Variants in DCDC2C observed in about 807,000 individuals in gnomAD.
The protein encoded by DCDC2C is doublecortin domain-containing protein 2C.
A neutral mutation model predicts 45.0 loss-of-function variants in DCDC2C; 44 were observed. That is an observed-to-expected ratio of 0.98 (90% CI 0.77 to 1.26). DCDC2C has a LOEUF of 1.26. Ranked by LOEUF, DCDC2C falls within the 50% of genes most tolerant of loss-of-function variation. The probability of loss-of-function intolerance (pLI) is 0.00; values close to 1 mark genes in which losing one functional copy is unlikely to be tolerated. For synonymous variants in DCDC2C, 187 were observed against 178.8 expected (o/e 1.05, Z -0.37); for missense variants, 447 against 468.9 (o/e 0.95, Z 0.43).
chr2:3,719,536 T>C (rs1326534213), intron 2 of DCDC2C, among the ~76,000 whole-genome samples: 2 of 152,118 alleles, frequency 1.3e-5, no homozygotes, highest in East Asian at 1.9e-4. Context: ...ACCGTGAAGA[T>C]TAGAGTTGAC....
intron 2 of DCDC2C, among the ~76,000 whole-genome samples, chr2:3,725,464 GCCCGGTGGATCCCA>G (rs769136837): frequency 1.5e-3 from 159 of 103,900 alleles, no homozygotes; most frequent in Middle Eastern, 5.0e-3. Context: ...GGAGGAGGCT[GCCCGGTGGATCCCA>G]GAGGAAGACG....
Position 3,785,117 on chromosome 2 carries a change from A to G in DCDC2C, c.1065+17A>G. The stretch of plus-strand genomic sequence containing the variant: ...GAAAGAAAGGTTTGTATCAACAACA[A>G]ATGCTGTAGTTTTGCGTTTTCTATT... On this transcript the variant is annotated intron_variant, in intron 10 of 10. Transcript: ENST00000399143. 1 of 1,231,688 alleles carries G rather than the reference A, an allele frequency of 8.1e-7. No homozygotes were observed. Among genetic ancestry groups the G allele is most frequent in the Non-Finnish European group, 1.0e-6 (1 of 987,896 alleles). 76.3% of individuals were successfully genotyped at this position (1,231,688 alleles called of 1,614,324 possible).
At chr2:3,762,388 T>G (rs1325128665) in intron 6 of DCDC2C, among the ~76,000 whole-genome samples, 1 of 152,152 alleles carries the variant, frequency 6.6e-6, no homozygotes, top group Non-Finnish European at 1.5e-5. Flanking sequence ...TGTGTATTCA[T>G]TCATTCTTAC....
intron 10 of DCDC2C, among the ~76,000 whole-genome samples, chr2:3,788,084 AT>A (rs1670700891): frequency 6.6e-6 from 1 of 152,236 alleles, no homozygotes; most frequent in Admixed American, 6.5e-5. Context: ...TGCTCTGAAT[AT>A]TTGATCACAA....
At chr2:3,725,211 C>T (rs774545230) in intron 2 of DCDC2C, among the ~76,000 whole-genome samples, 4 of 152,076 alleles carry the variant, frequency 2.6e-5, no homozygotes, top group Admixed American at 1.3e-4. Flanking sequence ...GGGCGATGAT[C>T]GATTCTGATG....
At chr2:3,726,813 GCATCTTCTCC>G in intron 2 of DCDC2C, among the ~76,000 whole-genome samples, 180 bp from the exon 3 acceptor site, 1 of 152,008 alleles carries the variant, frequency 6.6e-6, no homozygotes, top group South Asian at 2.1e-4. Flanking sequence ...GCACTTGCTG[GCATCTTCTCC>G]TCCCCCAGCA....
At chr2:3,709,320 G>A (rs114971651) in intron 2 of DCDC2C, among the ~76,000 whole-genome samples, 15 of 152,212 alleles carry the variant, frequency 9.9e-5, no homozygotes, top group Non-Finnish European at 5.9e-5. Context: ...GAAGCTCGTT[G>A]TAAGGACTAA....
At position 3,727,062 on chromosome 2, in the gene DCDC2C, T is replaced by G; in HGVS notation, c.399T>G (p.Arg133=). 1 of 1,550,136 alleles carries G rather than the reference T, an allele frequency of 6.5e-7. No individual in the cohort carries two copies. The highest frequency in any genetic ancestry group is 8.7e-7 in the Non-Finnish European group (1 of 1,146,636). The change falls in exon 3 of 11, where the codon CGT becomes CGG. Residue 133 remains arginine (R), a synonymous_variant. Transcript: ENST00000399143. ...NVPSKWQTYH[R]ISRHINVFTN... ...CTTCCAAGTGGCAAACATATCATCG[T>G]ATATCTCGACATATAAAGTGAGTAT...
intron 4 of DCDC2C, among the ~76,000 whole-genome samples, chr2:3,751,364 C>A (rs1669536147): frequency 6.6e-6 from 1 of 152,250 alleles, no homozygotes; most frequent in Admixed American, 6.5e-5. Context: ...AACAGAATTC[C>A]AAGCATTGGG....
chr2:3,797,879 A>G (rs1321967008), intron 10 of DCDC2C, among the ~76,000 whole-genome samples: 1 of 147,824 alleles, frequency 6.8e-6, no homozygotes, highest in Non-Finnish European at 1.5e-5. Flanking sequence ...GTAGATGTCT[A>G]TTAGGTCCGC....
chr2:3,705,317 T>C (rs557464320), intron 1 of DCDC2C, among the ~76,000 whole-genome samples: 13 of 152,218 alleles, frequency 8.5e-5, no homozygotes, highest in Non-Finnish European at 1.9e-4. Flanking sequence ...CAGATTGAAA[T>C]TTATTACTAT....
intron 10 of DCDC2C, among the ~76,000 whole-genome samples, chr2:3,806,409 G>A (rs943680627): frequency 6.6e-6 from 1 of 152,234 alleles, no homozygotes; most frequent in Non-Finnish European, 1.5e-5. Context: ...GAAACAGAGC[G>A]AAGCTCGCCT....
intron 10 of DCDC2C, among the ~76,000 whole-genome samples, chr2:3,800,076 C>T (rs966183445): frequency 6.6e-6 from 1 of 152,214 alleles, no homozygotes; most frequent in Admixed American, 6.5e-5. Context: ...CGTGGTGCGC[C>T]GTTTTTTAAG....
At chr2:3,836,794 G>A (rs1320940815) in intron 10 of DCDC2C, among the ~76,000 whole-genome samples, 1 of 151,314 alleles carries the variant, frequency 6.6e-6, no homozygotes, top group Non-Finnish European at 1.5e-5. Flanking sequence ...CCCGGGAGGC[G>A]GAGCTTGCAG....
In DCDC2C at chr2:3,847,172, C is replaced by T; in HGVS notation, c.1084C>T (p.Pro362Ser). 1 of 1,231,676 alleles carries T rather than the reference C, an allele frequency of 8.1e-7. No homozygotes were observed. The highest frequency in any genetic ancestry group is 1.0e-6 in the Non-Finnish European group (1 of 987,932). 76.3% of individuals were successfully genotyped at this position (1,231,676 alleles called of 1,614,324 possible). The change falls in exon 11 of 11, where the codon CCT becomes TCT. Residue 362 changes from proline (P) to serine (S), a missense_variant. Transcript: ENST00000399143. Reference protein sequence around the residue: ...VERKMAREWKPVD With the variant: ...VERKMAREWKSVD ...CTTCCAGATGGCCCGGGAGTGGAAACCTGTAGATTAACAAAACCACCTTTA... is the reference window on the plus strand; with the variant it reads ...CTTCCAGATGGCCCGGGAGTGGAAATCTGTAGATTAACAAAACCACCTTTA...
At chr2:3,812,134 G>A (rs6709531) in intron 10 of DCDC2C, among the ~76,000 whole-genome samples, 90,838 of 151,844 alleles carry the variant, frequency 0.6, 27,746 homozygotes, top group East Asian at 0.73. Flanking sequence ...ATTGTTTGGA[G>A]TAGTTTCAGA....
Position 3,755,277 on chromosome 2 carries a change from A to C in DCDC2C, c.726+643A>C, listed in dbSNP as rs553834500. Among the ~76,000 whole-genome samples, 7 of 151,802 alleles carry C rather than the reference A, an allele frequency of 4.6e-5. No individual in the cohort carries two copies. The East Asian group carries it at 7.8e-4, about 17-fold the overall frequency. ...TGGGTACACGTGTGTACATGGATGC[A>C]TGTGTATGTGGATGCATGTGTGTGC... On this transcript the variant is annotated intron_variant, in intron 6 of 10. Transcript: ENST00000399143.
chr2:3,726,275 C>G (rs915778323), intron 2 of DCDC2C, among the ~76,000 whole-genome samples: 6 of 152,016 alleles, frequency 3.9e-5, no homozygotes, highest in Admixed American at 3.9e-4. Flanking sequence ...GTGGGTGGGA[C>G]CAGGACCCTG....
rs529649786 is a variant in DCDC2C, at chr2:3,737,137, A to G, written c.417-4783A>G. 9.9e-5 allele frequency among the ~76,000 whole-genome samples: 15 copies of G among 152,234 alleles called. No homozygotes were observed. In the East Asian group the frequency reaches 2.9e-3, roughly 29 times the overall value. ...CCCCCAGGTGCCAGGCCCTGGGGAG[A>G]CCGAGAGATTCAGATGCAGGCTTGT... is the stretch of plus-strand genomic sequence containing the variant. On this transcript the variant is annotated intron_variant, in intron 3 of 10. Coordinates refer to ENST00000399143, the MANE Select transcript of DCDC2C (RefSeq NM_001287444.2).
Sources: allele counts gnomAD v4.1 joint callset (sites outside exome capture counted in the v4.1 genomes callset), GRCh38; gene constraint gnomAD v4.1.1; transcripts MANE v1.5; gene names NCBI Gene and HGNC (gene_info 2026-07-23, HGNC 2026-07-21).